The following H3-7 variants were observed in gnomAD, a reference collection of about 807,000 sequenced individuals.
The protein encoded by H3-7 is H3.7 histone (putative), also known as histone H3-7.
chr1:143,904,217 A>G, the H3-7 span: 1 of 1,551,268 alleles, frequency 6.4e-7, no homozygotes, highest in South Asian at 1.1e-5. Context: ...CGTCCCTTGC[A>G]CACTCTTACT....
chr1:143,902,872 C>T, the H3-7 span, among the ~76,000 whole-genome samples: 2 of 145,670 alleles, frequency 1.4e-5, no homozygotes, highest in African/African-American at 5.0e-5. Context: ...ATCAGGAAAC[C>T]TCAAGAGAAG....
chr1:143,905,825 C>T, the H3-7 span: 5 of 1,582,348 alleles, frequency 3.2e-6, 1 homozygote, highest in South Asian at 1.1e-5. Flanking sequence ...TCCCGCAGAG[C>T]CACGGTGCCG....
At chr1:143,904,114 C>G in the H3-7 span, 4 of 873,008 alleles carry the variant, frequency 4.6e-6, no homozygotes, top group Middle Eastern at 3.5e-4. Context: ...TGACCAAAAG[C>G]TATCAAACGC....
At chr1:143,905,541 A>G in the H3-7 span, 2 of 1,544,986 alleles carry the variant, frequency 1.3e-6, no homozygotes, top group South Asian at 1.2e-5. Flanking sequence ...TAGATCGACC[A>G]CTTAAAAATA....
At chr1:143,904,437 G>T in the H3-7 span, 26 of 1,583,722 alleles carry the variant, frequency 1.6e-5, 4 homozygotes, top group Non-Finnish European at 2.2e-5. Flanking sequence ...GGTCTTGGAC[G>T]AGATGCCGGT....
At chr1:143,904,646 G>T in the H3-7 span, 78 of 1,570,888 alleles carry the variant, frequency 5.0e-5, 6 homozygotes, top group Non-Finnish European at 6.5e-5. Flanking sequence ...GAAGTAATCC[G>T]AACTACCGCA....
chr1:143,905,581 C>T, the H3-7 span: 5 of 1,581,740 alleles, frequency 3.2e-6, 1 homozygote, highest in South Asian at 5.6e-5. Context: ...GCGGATGCGG[C>T]TGACCAACTG....
chr1:143,904,487 G>T, the H3-7 span: 2 of 1,602,976 alleles, frequency 1.2e-6, no homozygotes, highest in Non-Finnish European at 1.7e-6. Context: ...ACACGTAAAC[G>T]GAGTAGCTCT....
the H3-7 span, chr1:143,904,768 A>G: frequency 7.6e-6 from 5 of 655,968 alleles, no homozygotes; most frequent in Non-Finnish European, 1.3e-5. Flanking sequence ...GGTGGAGTCT[A>G]TGTAAATAAT....
the H3-7 span, chr1:143,904,543 TC>T: frequency 6.2e-7 from 1 of 1,606,200 alleles, no homozygotes; most frequent in Non-Finnish European, 8.5e-7. Flanking sequence ...TTCTGCACTT[TC>T]GTAACAGCCT....
chr1:143,904,680 T>G, the H3-7 span: 2 of 1,465,536 alleles, frequency 1.4e-6, 1 homozygote, highest in East Asian at 4.7e-5. Flanking sequence ...ATGCGCTACT[T>G]ATAGAGCCTG....
At chr1:143,903,107 G>A in the H3-7 span, among the ~76,000 whole-genome samples, 8 of 140,350 alleles carry the variant, frequency 5.7e-5, 1 homozygote, top group Non-Finnish European at 9.5e-5. Context: ...CAGGAGAATG[G>A]CGTGAACCCG....
At chr1:143,905,917 G>A in the H3-7 span, 4 of 1,580,092 alleles carry the variant, frequency 2.5e-6, no homozygotes, top group Non-Finnish European at 3.5e-6. Flanking sequence ...CTGCTTCCTC[G>A]GGGCCTTGCC....
At chr1:143,904,537 G>A in the H3-7 span, 2 of 1,601,116 alleles carry the variant, frequency 1.2e-6, no homozygotes, top group Non-Finnish European at 1.7e-6. Flanking sequence ...TCCTTCTTCT[G>A]CACTTTCGTA....
chr1:143,903,187 G>C, the H3-7 span, among the ~76,000 whole-genome samples: 1 of 131,082 alleles, frequency 7.6e-6, no homozygotes, highest in African/African-American at 3.0e-5. Context: ...GCGAGACTCC[G>C]TCTCAAAAAA....
At chr1:143,904,346 C>T in the H3-7 span, 277 of 1,582,572 alleles carry the variant, frequency 1.8e-4, 33 homozygotes, top group Non-Finnish European at 2.3e-4. Context: ...TGGTGGAGCG[C>T]TTGTTGTAGT....
chr1:143,904,356 T>G, the H3-7 span: 1 of 1,582,672 alleles, frequency 6.3e-7, no homozygotes, highest in Non-Finnish European at 8.7e-7. Context: ...CTTGTTGTAG[T>G]GCGCCAGGCG....
the H3-7 span, chr1:143,904,105 G>T: frequency 2.4e-5 from 20 of 817,660 alleles, 1 homozygote; most frequent in Non-Finnish European, 3.5e-5. Context: ...CTCCCTACCT[G>T]ACCAAAAGCT....
chr1:143,904,288 C>T, the H3-7 span: 2 of 1,585,658 alleles, frequency 1.3e-6, no homozygotes, highest in South Asian at 2.3e-5. Flanking sequence ...TTGGCCAGCT[C>T]GCCGGGCAGC....
Sources: gnomAD v4.1 joint callset for allele counts (sites outside exome capture counted in the v4.1 genomes callset) on GRCh38, gnomAD v4.1.1 for gene constraint, MANE v1.5 for transcripts, NCBI Gene and HGNC (gene_info 2026-07-23, HGNC 2026-07-21) for gene names.